Variants in CEP135 observed in about 807,000 individuals in gnomAD.
The protein encoded by CEP135 is centrosomal protein of 135 kDa.
Under a neutral mutation model 157.3 loss-of-function variants are expected in CEP135, and 142 were observed. The observed-to-expected ratio is 0.90, with a 90% confidence interval of 0.79 to 1.04. The LOEUF is 1.04. CEP135 is among the 50% of genes least tolerant of loss of function. The pLI is 0.00. For missense variants in CEP135, 1,317 were observed against 1,309.2 expected (o/e 1.01, Z -0.09); for synonymous variants, 396 against 439.8 (o/e 0.90, Z 1.25).
intron 18 of CEP135, 111 bp downstream of exon 18, chr4:56,008,493 A>G: frequency 1.2e-6 from 1 of 818,662 alleles, no homozygotes; most frequent in African/African-American, 1.7e-5. Context: ...CAATTTCCCC[A>G]TTTTTGTCAA....
chr4:56,018,300 C>T (rs2109743599), intron 22 of CEP135, among the ~76,000 whole-genome samples: 1 of 152,196 alleles, frequency 6.6e-6, no homozygotes, highest in African/African-American at 2.4e-5. Flanking sequence ...CTTTTGACTA[C>T]AGGATTTTGA....
chr4:55,961,487 G>A (rs1056099668), intron 6 of CEP135, among the ~76,000 whole-genome samples: 2 of 151,830 alleles, frequency 1.3e-5, no homozygotes, highest in Admixed American at 6.6e-5. Context: ...ATCTTTGGCC[G>A]GGCACGGTGG....
At chr4:55,991,709 C>T (rs988805803) in intron 14 of CEP135, among the ~76,000 whole-genome samples, 3 of 151,986 alleles carry the variant, frequency 2.0e-5, no homozygotes, top group South Asian at 2.1e-4. Flanking sequence ...CTTTTCTCTT[C>T]GTGCTTTTTA....
At chr4:55,982,507 A>C (rs934551932) in intron 13 of CEP135, among the ~76,000 whole-genome samples, 3 of 152,162 alleles carry the variant, frequency 2.0e-5, no homozygotes, top group African/African-American at 7.2e-5. Flanking sequence ...TTTGATTTGC[A>C]TTGCCTTGAG....
At position 56,008,452 on chromosome 4, in the gene CEP135, T is replaced by TAGC; in HGVS notation, c.2336+72_2336+74dup. On this transcript the variant is annotated intron_variant, in intron 18 of 25. Transcript: ENST00000257287. The stretch of plus-strand genomic sequence containing the variant: ...AGTGAATACAGCTTTATCTATTCAG[T>TAGC]AGCATTGCAGCAATAGAAGAATTTC... 2.5e-6 allele frequency: 3 copies of TAGC among 1,185,738 alleles called. No homozygotes were observed. In the South Asian group the frequency reaches 4.0e-5, roughly 16 times the overall value. 73.5% of individuals were successfully genotyped at this position (1,185,738 alleles called of 1,614,324 possible). A position where few individuals can be genotyped will look rare whatever the true frequency, so the allele number is the denominator to read the frequency against.
At chr4:56,029,199 A>G (rs1261781322) in intron 25 of CEP135, among the ~76,000 whole-genome samples, 1 of 152,240 alleles carries the variant, frequency 6.6e-6, no homozygotes, top group Non-Finnish European at 1.5e-5. Context: ...AAGCATCGCC[A>G]AGTGTTCAGC....
At position 55,953,154 on chromosome 4, in the gene CEP135, T is replaced by G; in HGVS notation, c.183T>G (p.Ser61Arg). ...CTGCTGTGAAAGCTGAAAAAGAAAG[T>G]GCCAATTTTGATTTTGTTTTGGAAC... Reference protein sequence around the residue: ...KLSAVKAEKESANFDFVLEPY... With the variant: ...KLSAVKAEKERANFDFVLEPY... The change falls in exon 3 of 26, where the codon AGT (serine) becomes AGG (arginine). Residue 61 changes from serine (S) to arginine (R), a missense_variant. Coordinates refer to ENST00000257287, the MANE Select transcript of CEP135 (RefSeq NM_025009.5). 1 of 1,608,244 alleles carries G rather than the reference T, an allele frequency of 6.2e-7. No homozygotes were observed. Among genetic ancestry groups the G allele is most frequent in the South Asian group, 1.1e-5 (1 of 89,468 alleles).
chr4:55,970,432 T>C (rs1156543366), intron 9 of CEP135, among the ~76,000 whole-genome samples: 1 of 152,218 alleles, frequency 6.6e-6, no homozygotes, highest in Non-Finnish European at 1.5e-5. Context: ...TCTCTAAGAT[T>C]GGAAATAAAG....
intron 5 of CEP135, 77 bp from the exon 6 acceptor site, chr4:55,959,605 A>G (rs140961633): frequency 2.6e-4 from 325 of 1,232,706 alleles, no homozygotes; most frequent in Non-Finnish European, 3.4e-4. Context: ...AATTTATGAA[A>G]TAACACATCT....
intron 15 of CEP135, among the ~76,000 whole-genome samples, chr4:55,996,217 C>T (rs1438801461): frequency 6.6e-6 from 1 of 152,122 alleles, no homozygotes; most frequent in African/African-American, 2.4e-5. Context: ...GACCTCCTGG[C>T]TCAAGCAGTC....
At chr4:55,998,335 A>G (rs2611822) in intron 15 of CEP135, among the ~76,000 whole-genome samples, 25,924 of 152,124 alleles carry the variant, frequency 0.17, 2,694 homozygotes, top group East Asian at 0.36. Context: ...ATGACATGAA[A>G]GCAAATTTTT....
intron 13 of CEP135, among the ~76,000 whole-genome samples, chr4:55,984,259 A>G (rs1281639887): frequency 6.6e-6 from 1 of 152,136 alleles, no homozygotes; most frequent in Non-Finnish European, 1.5e-5. Flanking sequence ...TTTTCTTGCC[A>G]CCAGCCTTCT....
intron 10 of CEP135, among the ~76,000 whole-genome samples, chr4:55,971,618 G>C (rs181459579): frequency 1.3e-5 from 2 of 152,184 alleles, no homozygotes; most frequent in Admixed American, 1.3e-4. Flanking sequence ...GTTTATACAG[G>C]GAGCCCTGCT....
At position 55,952,203 on chromosome 4, in the gene CEP135, C is replaced by G. The variant is rs767629721; in HGVS notation, c.73C>G (p.Leu25Val). 6.2e-7 allele frequency: 1 copy of G among 1,613,240 alleles called. No homozygotes were observed. Among genetic ancestry groups the G allele is most frequent in the South Asian group, 1.1e-5 (1 of 91,056 alleles). The change falls in exon 2 of 26, where the codon CTG (leucine) becomes GTG (valine). Residue 25 changes from leucine (L) to valine (V), a missense_variant. Coordinates refer to ENST00000257287, the MANE Select transcript of CEP135 (RefSeq NM_025009.5). ...GGATCAGCTGGGATACCGCCAGACT[C>G]TGACAGTGGAGTGTTTACCTTTGGT... ...RLDQLGYRQTLTVECLPLVEK... is the reference protein window; with the variant it reads ...RLDQLGYRQTVTVECLPLVEK...
chr4:55,970,044 T>C (rs1393687471), intron 9 of CEP135, among the ~76,000 whole-genome samples: 2 of 151,288 alleles, frequency 1.3e-5, no homozygotes, highest in Non-Finnish European at 2.9e-5. Context: ...TAGCTTTTTT[T>C]TTTTTTTAGT....
chr4:55,981,000 T>C (rs566853999), intron 12 of CEP135, among the ~76,000 whole-genome samples: 19 of 152,272 alleles, frequency 1.2e-4, no homozygotes, highest in African/African-American at 4.6e-4. Context: ...CCTGCTTGTC[T>C]GTCTGCTGTC....
At chr4:56,009,961 T>C in intron 19 of CEP135, 58 bp downstream of exon 19, 1 of 1,482,896 alleles carries the variant, frequency 6.7e-7, no homozygotes. Context: ...TTGCTAAATA[T>C]TAAAGCTCTA....
rs1301736550 is a variant in CEP135, at chr4:56,033,338, T to G, written c.*1990T>G. 2 of 152,132 alleles carry G rather than the reference T, an allele frequency of 1.3e-5. No homozygotes were observed. The highest frequency in any genetic ancestry group is 2.4e-5 in the African/African-American group (1 of 41,438). 9.4% of individuals were successfully genotyped at this position (152,132 alleles called of 1,614,324 possible). On this transcript the variant is annotated 3_prime_UTR_variant, in exon 26 of 26. Transcript: ENST00000257287. ...TTTAAATTATGGAGCTTGACCTAGATTTGCCAATAAACTTTCTAGCCTATT... is the reference window on the plus strand; with the variant it reads ...TTTAAATTATGGAGCTTGACCTAGAGTTGCCAATAAACTTTCTAGCCTATT...
At chr4:56,003,250 C>T (rs1577900647) in intron 17 of CEP135, among the ~76,000 whole-genome samples, 1 of 151,258 alleles carries the variant, frequency 6.6e-6, no homozygotes, top group African/African-American at 2.5e-5. Context: ...TGCAGTGGCA[C>T]GATCTTGGCT....
Sources: allele counts gnomAD v4.1 joint callset (sites outside exome capture counted in the v4.1 genomes callset), GRCh38; gene constraint gnomAD v4.1.1; transcripts MANE v1.5; gene names NCBI Gene and HGNC (gene_info 2026-07-23, HGNC 2026-07-21).